NRIP1: variants seen among roughly 807,000 people sequenced by gnomAD.
NRIP1 encodes nuclear receptor-interacting protein 1.
A neutral mutation model predicts 75.0 loss-of-function variants in NRIP1; 28 were observed. The observed-to-expected ratio is 0.37, with a 90% confidence interval of 0.28 to 0.51. The LOEUF (loss-of-function observed/expected upper bound fraction) is 0.51. NRIP1 is among the 20% of genes least tolerant of loss of function. The pLI is 0.92. For missense variants in NRIP1, 1,435 were observed against 1,343.7 expected (o/e 1.07, Z -1.06); for synonymous variants, 526 against 487.6 (o/e 1.08, Z -1.04).
chr21:14,975,422 A>G (rs73170291), intron 3 of NRIP1, among the ~76,000 whole-genome samples: 6,457 of 152,128 alleles, frequency 0.042, 409 homozygotes, highest in African/African-American at 0.14. Context: ...ATTTTTTTAC[A>G]TTCTTGAAAG....
intron 3 of NRIP1, among the ~76,000 whole-genome samples, chr21:15,005,236 A>G (rs2087935298): frequency 6.6e-6 from 1 of 152,196 alleles, no homozygotes; most frequent in African/African-American, 2.4e-5. Flanking sequence ...AATCCTCTCC[A>G]TCAACTACAA....
At chr21:15,031,971 T>A (rs1398798969) in intron 2 of NRIP1, among the ~76,000 whole-genome samples, 1 of 151,888 alleles carries the variant, frequency 6.6e-6, no homozygotes, top group East Asian at 1.9e-4. Context: ...TTTCTATGTG[T>A]GTACACTCTG....
intron 1 of NRIP1, among the ~76,000 whole-genome samples, chr21:15,054,215 C>T (rs538041832): frequency 5.3e-4 from 81 of 152,150 alleles, no homozygotes; most frequent in Non-Finnish European, 1.0e-3. Context: ...TTACTGCACA[C>T]CAAAATGAAC....
At chr21:15,028,418 T>C (rs1347752806) in intron 2 of NRIP1, among the ~76,000 whole-genome samples, 1 of 152,182 alleles carries the variant, frequency 6.6e-6, no homozygotes, top group Admixed American at 6.5e-5. Flanking sequence ...AGATCGCCTA[T>C]TTAATAACAC....
chr21:14,965,715 A>AT lies in NRIP1; in HGVS notation c.2477dup (p.Asn826LysfsTer4). 3.1e-6 allele frequency: 5 copies of AT among 1,613,772 alleles called. No individual in the cohort carries two copies. Among genetic ancestry groups the AT allele is most frequent in the Non-Finnish European group, 4.2e-6 (5 of 1,179,960 alleles). ...AATCATCTGCCAGGTAACTATCTTGATTTTGTCTTAGCAATCGACTTAGCA... is the reference window on the plus strand; with the variant it reads ...AATCATCTGCCAGGTAACTATCTTGATTTTTGTCTTAGCAATCGACTTAGCA... On this transcript the variant is annotated frameshift_variant, in exon 4 of 4. Transcript: ENST00000318948. LOFTEE classifies it high-confidence loss of function.
At chr21:15,012,854 C>G (rs2088141189) in intron 3 of NRIP1, among the ~76,000 whole-genome samples, 1 of 152,116 alleles carries the variant, frequency 6.6e-6, no homozygotes, top group African/African-American at 2.4e-5. Flanking sequence ...ATTTACTTAT[C>G]CAACTCCTAG....
chr21:14,989,370 C>T (rs766705659), intron 3 of NRIP1, among the ~76,000 whole-genome samples: 3 of 152,102 alleles, frequency 2.0e-5, no homozygotes, highest in Non-Finnish European at 4.4e-5. Flanking sequence ...TTTCTTATTC[C>T]GAGGGGCCTG....
Position 14,967,089 on chromosome 21 carries a change from T to C in NRIP1, c.1104A>G (p.Arg368=), listed in dbSNP as rs749689916. Residue 368 remains arginine (R), a synonymous_variant, in exon 4 of 4, where the codon AGA becomes AGG. Coordinates refer to ENST00000318948, the MANE Select transcript of NRIP1 (RefSeq NM_003489.4). ...TGTTAGCAGCTTGTTTTATATTGTT[T>C]CTTTCCAGTGAGTTCTTATAACCTG... ...KNAGYKNSLE[R]NNIKQAANNS... 1 of 1,614,094 alleles carries C rather than the reference T, an allele frequency of 6.2e-7. No individual in the cohort carries two copies. Among genetic ancestry groups the C allele is most frequent in the South Asian group, 1.1e-5 (1 of 91,066 alleles).
chr21:15,054,453 T>C (rs955378672), intron 1 of NRIP1, among the ~76,000 whole-genome samples: 1 of 152,154 alleles, frequency 6.6e-6, no homozygotes, highest in Non-Finnish European at 1.5e-5. Flanking sequence ...AAATGTAATA[T>C]TACAAAACAA....
At chr21:14,980,367 A>G (rs890196162) in intron 3 of NRIP1, among the ~76,000 whole-genome samples, 9 of 151,974 alleles carry the variant, frequency 5.9e-5, no homozygotes, top group African/African-American at 1.9e-4. Flanking sequence ...CCAGCTACTC[A>G]GGAGGCTGAG....
At chr21:15,065,313 A>T (rs1354295469), upstream of NRIP1, among the ~76,000 whole-genome samples, 2 of 150,346 alleles carry the variant, frequency 1.3e-5, no homozygotes, top group African/African-American at 2.5e-5. Context: ...TCCCCGAGAG[A>T]GGGGCTGCAC....
intron 1 of NRIP1, among the ~76,000 whole-genome samples, chr21:15,055,006 G>A (rs139764274): frequency 1.6e-3 from 240 of 152,230 alleles, no homozygotes; most frequent in African/African-American, 5.3e-3. Context: ...CATCAGGAAC[G>A]TGGCCAGTGT....
Position 14,964,818 on chromosome 21 carries a change from G to A in NRIP1, c.3375C>T (p.Tyr1125=), listed in dbSNP as rs76741110. Residue 1125 remains tyrosine, a synonymous_variant, in exon 4 of 4, where the codon TAC becomes TAT. Coordinates refer to ENST00000318948, the MANE Select transcript of NRIP1 (RefSeq NM_003489.4). Reference sequence around the variant, plus strand: ...AAGCATTATTTCCCATATGGCTATTGTAAGGGCTTCTTAAATTAAAGAAAG... The same window carrying A: ...AAGCATTATTTCCCATATGGCTATTATAAGGGCTTCTTAAATTAAAGAAAG... ...KASFFNLRSP[Y]NSHMGNNASR... 4 of 1,613,314 alleles carry A rather than the reference G, an allele frequency of 2.5e-6. No homozygotes were observed. The highest frequency in any genetic ancestry group is 1.1e-5 in the South Asian group (1 of 90,982).
chr21:14,968,067 A>G lies in NRIP1; in HGVS notation c.126T>C (p.Ala42=), dbSNP rs1400676144. The G allele has an allele frequency of 6.2e-7, 1 of 1,613,994 alleles. No homozygotes were observed. Among genetic ancestry groups the G allele is most frequent in the Non-Finnish European group, 8.5e-7 (1 of 1,180,022 alleles). Residue 42 remains alanine (A), a synonymous_variant, in exon 4 of 4, where the codon GCT becomes GCC. Transcript: ENST00000318948. ...GSGTAVDKKS[A]GHNEEDQNFN... is the part of the protein sequence containing the mutation. ...AGTTCTGATCCTCTTCATTATGCCC[A>G]GCAGACTTTTTGTCAACGGCAGTAC... is the stretch of plus-strand genomic sequence containing the variant.
At chr21:15,050,767 ACG>A (rs1467813506) in intron 1 of NRIP1, 3 of 455,960 alleles carry the variant, frequency 6.6e-6, no homozygotes, top group Non-Finnish European at 1.3e-5. Context: ...GGGCCAGCCA[ACG>A]CTTAGAGAAG....
At chr21:15,004,854 G>T (rs570128388) in intron 3 of NRIP1, among the ~76,000 whole-genome samples, 3 of 152,300 alleles carry the variant, frequency 2.0e-5, no homozygotes, top group South Asian at 2.1e-4. Context: ...AAGTGAGGAA[G>T]AGAGAAGGTG....
intron 3 of NRIP1, among the ~76,000 whole-genome samples, chr21:14,981,378 G>A (rs2087228545): frequency 6.6e-6 from 1 of 152,210 alleles, no homozygotes; most frequent in Non-Finnish European, 1.5e-5. Flanking sequence ...ACAATAGCCA[G>A]TAAATGCTAA....
intron 1 of NRIP1, among the ~76,000 whole-genome samples, chr21:15,047,190 T>A (rs531129336): frequency 6.6e-6 from 1 of 152,246 alleles, no homozygotes; most frequent in Non-Finnish European, 1.5e-5. Context: ...GCAAGGCACC[T>A]TCTTCACAAG....
intron 2 of NRIP1, among the ~76,000 whole-genome samples, chr21:15,037,179 A>C (rs1404601926): frequency 6.6e-6 from 1 of 152,220 alleles, no homozygotes; most frequent in African/African-American, 2.4e-5. Flanking sequence ...AACAAAATAA[A>C]GTCTGAGTAC....
Sources: allele counts gnomAD v4.1 joint callset (sites outside exome capture counted in the v4.1 genomes callset), GRCh38; gene constraint gnomAD v4.1.1; transcripts MANE v1.5; gene names NCBI Gene and HGNC (gene_info 2026-07-23, HGNC 2026-07-21).